ZNF320: variants seen among roughly 807,000 people sequenced by gnomAD.
ZNF320 encodes zinc finger protein 320, also known as zinc finger gene 320.
A neutral mutation model predicts 6.8 loss-of-function variants in ZNF320; 2 were observed. The ratio of observed to expected loss-of-function variants is 0.29; its 90% CI spans 0.12 to 0.93. The LOEUF is 0.93. Among genes scored for constraint, ZNF320 ranks in the 40% least tolerant of loss-of-function variants. ZNF320 has a pLI of 0.55. For synonymous variants in ZNF320, 208 were observed against 203.2 expected (o/e 1.02, Z -0.20); for missense variants, 472 against 611.0 (o/e 0.77, Z 2.40).
At chr19:52,860,538 G>T (rs945080895), downstream of ZNF320, among the ~76,000 whole-genome samples, 1 of 148,676 alleles carries the variant, frequency 6.7e-6, no homozygotes, top group Non-Finnish European at 1.5e-5. Context: ...GGCGGGGGTT[G>T]CAGTGAGCCA....
chr19:52,897,120 C>T (rs953752523), intron 1 of ZNF320, among the ~76,000 whole-genome samples: 1 of 152,246 alleles, frequency 6.6e-6, no homozygotes, highest in Non-Finnish European at 1.5e-5. Flanking sequence ...GCCCACTCCC[C>T]TCTGTGGAGT....
At chr19:52,868,914 G>C (rs955862031) in intron 5 of ZNF320, among the ~76,000 whole-genome samples, 8 of 151,840 alleles carry the variant, frequency 5.3e-5, no homozygotes, top group South Asian at 2.1e-4. Context: ...ATAAGGTCTT[G>C]ACTTACTCAG....
upstream of ZNF320, among the ~76,000 whole-genome samples, chr19:52,902,539 A>G (rs1009415548): frequency 2.6e-5 from 4 of 152,220 alleles, no homozygotes; most frequent in Admixed American, 1.3e-4. Context: ...AGTTTGTTTT[A>G]AGTCTTTAAC....
At position 52,870,133 on chromosome 19, in the gene ZNF320, G is replaced by A. The variant is rs373112403; in HGVS notation, c.223+3859C>T. On this transcript the variant is annotated intron_variant, in intron 5 of 5. Transcript: ENST00000673631. ...TGGGATTACAGGCATCAGCCACCAT[G>A]CCCAGGCCCTTCTTACTATTAACTC... is the stretch of plus-strand genomic sequence containing the variant. Among the ~76,000 whole-genome samples, 38 of 152,220 alleles carry A rather than the reference G, an allele frequency of 2.5e-4. No individual in the cohort carries two copies. The South Asian group carries it at 2.9e-3, about 12-fold the overall frequency.
chr19:52,883,689 G>C, intron 5 of ZNF320: 1 of 442,840 alleles, frequency 2.3e-6, no homozygotes, highest in South Asian at 1.6e-5. Context: ...CATGAGGTCA[G>C]GAGTTTGAGA....
At chr19:52,888,087 C>T (rs377285580) in intron 5 of ZNF320, 40 bp downstream of exon 5, 11 of 1,602,518 alleles carry the variant, frequency 6.9e-6, no homozygotes, top group East Asian at 4.5e-5. Context: ...CAAAGATCCA[C>T]AAGGGCACAT....
downstream of ZNF320, among the ~76,000 whole-genome samples, chr19:52,872,652 C>T (rs1335736269): frequency 6.6e-6 from 1 of 152,176 alleles, no homozygotes; most frequent in African/African-American, 2.4e-5. Context: ...CAGGTGCCCA[C>T]CACCGGGCCC....
rs1419563947 is a variant in ZNF320 at position 52,865,630 on chromosome 19, T to A, written c.224-1471A>T. 2.4e-4 allele frequency among the ~76,000 whole-genome samples: 31 copies of A among 131,308 alleles called. 1 individual carries two copies. The highest frequency in any genetic ancestry group is 1.7e-3 in the Admixed American group (21 of 12,340). The allele number at this position is 131,308 out of a possible 152,430, so 86.1% of individuals were successfully genotyped here. ...GAGATTATACATATATATTTATATA[T>A]GATTATACATATATATTTATATATG... On this transcript the variant is annotated intron_variant, in intron 5 of 5. Transcript: ENST00000673631.
downstream of ZNF320, among the ~76,000 whole-genome samples, chr19:52,875,264 A>G (rs557598952): frequency 6.6e-6 from 1 of 152,286 alleles, no homozygotes; most frequent in Admixed American, 6.5e-5. Flanking sequence ...GAAGTCACTT[A>G]TGGACACGTG....
chr19:52,867,604 T>C (rs2063600111), intron 5 of ZNF320, among the ~76,000 whole-genome samples: 1 of 152,200 alleles, frequency 6.6e-6, no homozygotes, highest in South Asian at 2.1e-4. Flanking sequence ...GCTTTTATTT[T>C]TATTTTTTTT....
downstream of ZNF320, among the ~76,000 whole-genome samples, chr19:52,873,511 C>T (rs1375200040): frequency 6.6e-6 from 1 of 152,212 alleles, no homozygotes; most frequent in Non-Finnish European, 1.5e-5. Flanking sequence ...AGATTAACAG[C>T]ATCTCAAAGC....
chr19:52,883,931 T>C (rs774203138), intron 5 of ZNF320, among the ~76,000 whole-genome samples: 1 of 152,072 alleles, frequency 6.6e-6, no homozygotes, highest in Non-Finnish European at 1.5e-5. Flanking sequence ...TAACTACTTC[T>C]CATATAAGCT....
chr19:52,884,225 C>T (rs572932232), intron 5 of ZNF320, among the ~76,000 whole-genome samples: 3 of 152,276 alleles, frequency 2.0e-5, no homozygotes. Flanking sequence ...TTAAGCTTCC[C>T]AGTTTAAGCT....
chr19:52,881,409 A>G lies in ZNF320; in HGVS notation c.717T>C (p.His239=), dbSNP rs147340747. Reference sequence around the variant, plus strand: ...TACACTTATAAGGTTTCTCTCCAGTATGACTTCTATGATGACATGCAAGGG... The same window carrying G: ...TACACTTATAAGGTTTCTCTCCAGTGTGACTTCTATGATGACATGCAAGGG... ...KATLACHHRS[H]TGEKPYKCNE... is the part of the protein sequence containing the mutation. The change falls in exon 6 of 6, where the codon CAT becomes CAC. Residue 239 remains histidine, a synonymous_variant. Coordinates refer to ENST00000682928, the MANE Select transcript of ZNF320 (RefSeq NM_001351774.2). The G allele has an allele frequency of 8.1e-6, 13 of 1,613,944 alleles. No homozygotes were observed. Among genetic ancestry groups the G allele is most frequent in the Non-Finnish European group, 1.0e-5 (12 of 1,180,016 alleles).
At chr19:52,873,202 C>G (rs2063710851), downstream of ZNF320, among the ~76,000 whole-genome samples, 1 of 152,142 alleles carries the variant, frequency 6.6e-6, no homozygotes, top group African/African-American at 2.4e-5. Context: ...AGCACAGGCC[C>G]TTGTCGGGCT....
exon 6 of ZNF320, chr19:52,861,833 G>T: frequency 2.6e-6 from 1 of 387,402 alleles, no homozygotes. Context: ...TCACACTTAT[G>T]ACATTTGTAA....
At chr19:52,865,586 T>C (rs113124158) in intron 5 of ZNF320, among the ~76,000 whole-genome samples, 7 of 130,656 alleles carry the variant, frequency 5.4e-5, no homozygotes, top group East Asian at 4.2e-4. Flanking sequence ...TTTATATGAT[T>C]ATACATATAT....
chr19:52,865,859 A>G (rs1251371565), intron 5 of ZNF320, among the ~76,000 whole-genome samples: 1 of 125,472 alleles, frequency 8.0e-6, no homozygotes, highest in African/African-American at 3.3e-5. Flanking sequence ...ATATTTATAT[A>G]TTATACATAT....
At chr19:52,882,012 C>A in intron 5 of ZNF320, 29 bp from the exon 6 acceptor site, 2 of 1,577,430 alleles carry the variant, frequency 1.3e-6, no homozygotes, top group Non-Finnish European at 1.7e-6. Context: ...AATAGGTTTC[C>A]AATTAAGTAC....
Sources: allele counts gnomAD v4.1 joint callset (sites outside exome capture counted in the v4.1 genomes callset), GRCh38; gene constraint gnomAD v4.1.1; transcripts MANE v1.5; gene names NCBI Gene and HGNC (gene_info 2026-07-23, HGNC 2026-07-21).